The following IL1RAPL1 variants were observed in gnomAD, a reference collection of about 807,000 sequenced individuals.
IL1RAPL1 encodes the protein interleukin-1 receptor accessory protein-like 1.
In IL1RAPL1, 3 loss-of-function variants were observed where a neutral mutation model predicts 48.4. The ratio of observed to expected loss-of-function variants is 0.06; its 90% confidence interval spans 0.03 to 0.16. IL1RAPL1 has a LOEUF of 0.16. Among genes scored for constraint, IL1RAPL1 ranks in the 10% least tolerant of loss-of-function variants. IL1RAPL1 has a pLI of 1.00. For synonymous variants in IL1RAPL1, 185 were observed against 187.7 expected, an observed-to-expected ratio of 0.99 and a Z score of 0.12; for missense variants, 349 against 530.6, an observed-to-expected ratio of 0.66 and a Z score of 3.36.
chrX:29,506,104 T>C (rs1249003953), intron 5 of IL1RAPL1, among the ~76,000 whole-genome samples: 1 of 112,213 alleles, frequency 8.9e-6, no homozygotes, highest in Non-Finnish European at 1.9e-5. Context: ...TTGCTCAATT[T>C]TTCTAATAAG....
intron 2 of IL1RAPL1, among the ~76,000 whole-genome samples, chrX:29,207,629 G>T (rs909657133): frequency 3.6e-5 from 4 of 111,626 alleles, no homozygotes; most frequent in African/African-American, 1.3e-4. Flanking sequence ...TGCTGACCTA[G>T]CATGGGATAT....
chrX:29,913,731 G>C (rs1932777528), intron 6 of IL1RAPL1, among the ~76,000 whole-genome samples: 1 of 110,809 alleles, frequency 9.0e-6, no homozygotes, highest in African/African-American at 3.3e-5. Flanking sequence ...GTTCTCTTTA[G>C]AATAGAGATG....
intron 3 of IL1RAPL1, among the ~76,000 whole-genome samples, chrX:29,391,058 C>G (rs994286255): frequency 9.1e-6 from 1 of 110,262 alleles, no homozygotes; most frequent in African/African-American, 3.3e-5. Context: ...CCTGTAATCT[C>G]AGCTATTCCG....
At chrX:28,958,289 G>T (rs965006027) in intron 2 of IL1RAPL1, among the ~76,000 whole-genome samples, 1 of 111,486 alleles carries the variant, frequency 9.0e-6, no homozygotes, top group African/African-American at 3.3e-5. Flanking sequence ...GTCACCCTCT[G>T]GTAACCACCA....
At chrX:29,045,950 C>CTCCTCCTCCTCCTTCT (rs1926956305) in intron 2 of IL1RAPL1, among the ~76,000 whole-genome samples, 3 of 72,237 alleles carry the variant, frequency 4.2e-5, no homozygotes, top group South Asian at 9.4e-4. Context: ...CTTCCTCCTC[C>CTCCTCCTCCTCCTTCT]TCCTCCTCCT....
chrX:29,444,051 G>A (rs775474849), intron 5 of IL1RAPL1, among the ~76,000 whole-genome samples: 1 of 112,565 alleles, frequency 8.9e-6, no homozygotes, highest in Non-Finnish European at 1.9e-5. Flanking sequence ...ACATTGAAAA[G>A]AGACATGTGG....
intron 3 of IL1RAPL1, among the ~76,000 whole-genome samples, chrX:29,317,773 A>G (rs1350117657): frequency 8.9e-6 from 1 of 112,159 alleles, no homozygotes; most frequent in Non-Finnish European, 1.9e-5. Context: ...TGGATGTGTG[A>G]ATTTATTCAA....
chrX:29,792,129 CA>C (rs1929651363), intron 6 of IL1RAPL1, among the ~76,000 whole-genome samples: 1 of 111,725 alleles, frequency 9.0e-6, no homozygotes, highest in Admixed American at 9.5e-5. Flanking sequence ...CCAATGGTCT[CA>C]GGCTTTTCTG....
At chrX:28,934,631 A>G (rs1021117618) in intron 2 of IL1RAPL1, among the ~76,000 whole-genome samples, 1 of 111,869 alleles carries the variant, frequency 8.9e-6, no homozygotes, top group African/African-American at 3.2e-5. Context: ...TAAACAGAAT[A>G]ATACAATTTG....
intron 5 of IL1RAPL1, among the ~76,000 whole-genome samples, chrX:29,463,390 C>T (rs972364745): frequency 8.9e-6 from 1 of 111,903 alleles, no homozygotes; most frequent in Non-Finnish European, 1.9e-5. Flanking sequence ...ATGTGGTTTA[C>T]TCATAGTGTA....
chrX:29,182,584 T>TC (rs931022338), intron 2 of IL1RAPL1, among the ~76,000 whole-genome samples: 7 of 110,484 alleles, frequency 6.3e-5, no homozygotes. Context: ...AGTTTTTTTT[T>TC]TTTTTCACCT....
intron 5 of IL1RAPL1, among the ~76,000 whole-genome samples, chrX:29,596,061 G>C (rs1339635679): frequency 1.8e-5 from 2 of 111,256 alleles, no homozygotes; most frequent in Non-Finnish European, 3.8e-5. Flanking sequence ...TGTGTTTCTG[G>C]GTTCTCTATT....
chrX:28,875,481 C>A (rs1364629068), intron 2 of IL1RAPL1, among the ~76,000 whole-genome samples: 2 of 112,150 alleles, frequency 1.8e-5, no homozygotes, highest in African/African-American at 6.5e-5. Context: ...GATGTGTTTG[C>A]ATTTAGCTCT....
intron 2 of IL1RAPL1, among the ~76,000 whole-genome samples, chrX:29,025,140 C>T (rs913393472): frequency 1.8e-5 from 2 of 111,894 alleles, no homozygotes; most frequent in East Asian, 2.8e-4. Context: ...TGTTTCAGCA[C>T]GTGTTTATTA....
chrX:29,586,733 G>A (rs191516371), intron 5 of IL1RAPL1, among the ~76,000 whole-genome samples: 105 of 110,888 alleles, frequency 9.5e-4, no homozygotes, highest in African/African-American at 3.2e-3. Flanking sequence ...GCCCTTTTCA[G>A]TGTACAACTC....
chrX:29,045,264 G>A (rs186740181), intron 2 of IL1RAPL1, among the ~76,000 whole-genome samples: 10 of 111,722 alleles, frequency 9.0e-5, no homozygotes, highest in African/African-American at 2.9e-4. Context: ...AACTGCAAGC[G>A]TCTCTGGGCC....
rs987472862 is a variant in IL1RAPL1 at position 29,491,885 on chromosome X, C to G, written c.703+92577C>G. Reference sequence around the variant, plus strand: ...CATAACCATGATCTTAATAAGTCTACTTGACTAATAACTTTACTATTTTCT... The same window carrying G: ...CATAACCATGATCTTAATAAGTCTAGTTGACTAATAACTTTACTATTTTCT... On this transcript the variant is annotated intron_variant, in intron 5 of 10. Transcript: ENST00000378993. Among the ~76,000 whole-genome samples, 6 of 111,323 alleles carry G rather than the reference C, an allele frequency of 5.4e-5. No individual in the cohort carries two copies. The Admixed American group carries it at 5.8e-4, about 11-fold the overall frequency.
At chrX:28,924,697 A>G (rs1601960826) in intron 2 of IL1RAPL1, among the ~76,000 whole-genome samples, 1 of 112,260 alleles carries the variant, frequency 8.9e-6, no homozygotes, top group African/African-American at 3.2e-5. Context: ...TGAAAATGAA[A>G]GATTTATGTG....
At chrX:29,499,844 TG>T (rs1193361412) in intron 5 of IL1RAPL1, among the ~76,000 whole-genome samples, 2 of 112,238 alleles carry the variant, frequency 1.8e-5, no homozygotes, top group Non-Finnish European at 3.8e-5. Flanking sequence ...GTACATATTT[TG>T]GGGGCATATG....
Sources: gnomAD v4.1 joint callset for allele counts (sites outside exome capture counted in the v4.1 genomes callset) on GRCh38, gnomAD v4.1.1 for gene constraint, MANE v1.5 for transcripts, NCBI Gene and HGNC (gene_info 2026-07-23, HGNC 2026-07-21) for gene names.